The following CCDC47 variants were observed in gnomAD, a reference collection of about 807,000 sequenced individuals.
CCDC47 encodes the protein PAT complex subunit CCDC47.
A neutral mutation model predicts 60.5 loss-of-function variants in CCDC47; 41 were observed. The ratio of observed to expected loss-of-function variants is 0.68; its 90% CI spans 0.53 to 0.88. The LOEUF is 0.88. CCDC47 is among the 40% of genes least tolerant of loss of function. The pLI, the probability that CCDC47 is intolerant of heterozygous loss-of-function variation, is 0.00. For missense variants in CCDC47, 513 were observed against 580.9 expected, an observed-to-expected ratio of 0.88 and a Z score of 1.20; for synonymous variants, 195 against 190.7, an observed-to-expected ratio of 1.02 and a Z score of -0.18.
Position 63,766,004 on chromosome 17 carries a change from T to G in CCDC47, c.172A>C (p.Ile58Leu), listed in dbSNP as rs564371197. The G allele has an allele frequency of 6.2e-6, 10 of 1,614,136 alleles. No individual in the cohort carries two copies. The African/African-American group carries it at 1.3e-4, about 22-fold the overall frequency. ...TCATCTTCATCATCTTCAGTGATTA[T>G]GACCCGTTGAGGAGATTCAGTAACA... ...DSVTESPQRVIITEDDEDETT... is the reference protein window; with the variant it reads ...DSVTESPQRVLITEDDEDETT... The change falls in exon 2 of 13, where the codon ATA becomes CTA. Residue 58 changes from isoleucine to leucine, a missense_variant. Physicochemically the swap from Ile to Leu is conservative, Grantham distance 5. Transcript: ENST00000225726.
intron 9 of CCDC47, among the ~76,000 whole-genome samples, chr17:63,753,823 T>G (rs1265397500): frequency 6.6e-6 from 1 of 152,112 alleles, no homozygotes; most frequent in South Asian, 2.1e-4. Context: ...AAAGAACCTA[T>G]GGACTGGGGC....
At position 63,760,990 on chromosome 17, in the gene CCDC47, T is replaced by C. The variant is rs200244261; in HGVS notation, c.670-11A>G. Reference sequence around the variant, plus strand: ...TTGTCTCTTGAGGAACTGAAAAAAATGAGAGAAGTAAGTAAATCCAACTGC... The same window carrying C: ...TTGTCTCTTGAGGAACTGAAAAAAACGAGAGAAGTAAGTAAATCCAACTGC... On this transcript the variant is annotated splice_polypyrimidine_tract_variant and intron_variant, in intron 5 of 12. Transcript: ENST00000225726. 1 of 1,610,676 alleles carries C rather than the reference T, an allele frequency of 6.2e-7. No individual in the cohort carries two copies. The highest frequency in any genetic ancestry group is 2.2e-5 in the East Asian group (1 of 44,808).
chr17:63,753,070 G>C (rs2039179532), intron 9 of CCDC47: 1 of 431,440 alleles, frequency 2.3e-6, no homozygotes, highest in African/African-American at 2.2e-5. Flanking sequence ...CATCTCACCT[G>C]GGGAGCCAGA....
At chr17:63,770,289 G>A (rs1163714468) in intron 1 of CCDC47, among the ~76,000 whole-genome samples, 1 of 150,832 alleles carries the variant, frequency 6.6e-6, no homozygotes, top group Non-Finnish European at 1.5e-5. Flanking sequence ...TTTTTTTTCT[G>A]TAGTGTACTT....
At position 63,763,923 on chromosome 17, in the gene CCDC47, T is replaced by G. The variant is rs180790002; in HGVS notation, c.547+93A>C. 3.3e-6 allele frequency: 3 copies of G among 899,174 alleles called. No homozygotes were observed. In the African/African-American group the frequency reaches 5.1e-5, roughly 15 times the overall value. 55.7% of individuals were successfully genotyped at this position (899,174 alleles called of 1,614,324 possible). A position where few individuals can be genotyped will look rare whatever the true frequency, so the allele number is the denominator to read the frequency against. On this transcript the variant is annotated intron_variant, in intron 4 of 12. Coordinates refer to ENST00000225726, the MANE Select transcript of CCDC47 (RefSeq NM_020198.3). ...ACAATGCACCCTCTTTGGTATTCCA[T>G]GAAAGCAGTTAGATGCTTATACTGA... is the stretch of plus-strand genomic sequence containing the variant.
At position 63,756,544 on chromosome 17, in the gene CCDC47, TTCA is replaced by T. The variant is rs2039208656; in HGVS notation, c.759_761del (p.Asp253del). On this transcript the variant is annotated inframe_deletion, in exon 7 of 13. Coordinates refer to ENST00000225726, the MANE Select transcript of CCDC47 (RefSeq NM_020198.3). ...CAGCAAATACGTAGGTATCCATGTC[TTCA>T]TCATTCATGGTTACTTTTATTTGCT... The T allele has an allele frequency of 6.2e-7, 1 of 1,613,472 alleles. No individual in the cohort carries two copies. Among genetic ancestry groups the T allele is most frequent in the Non-Finnish European group, 8.5e-7 (1 of 1,179,438 alleles).
At chr17:63,754,381 C>T (rs765569106) in intron 9 of CCDC47, 52 bp downstream of exon 9, 15 of 1,145,014 alleles carry the variant, frequency 1.3e-5, no homozygotes, top group Non-Finnish European at 1.8e-5. Context: ...GGTGTTTCAA[C>T]ACAGAAAGCT....
chr17:63,760,657 G>T (rs1052097603), intron 6 of CCDC47, among the ~76,000 whole-genome samples: 3 of 152,040 alleles, frequency 2.0e-5, no homozygotes, highest in African/African-American at 7.2e-5. Context: ...TGGCCAACAT[G>T]GTGAAACCCT....
At chr17:63,749,457 A>G (rs1266191284) in intron 12 of CCDC47, among the ~76,000 whole-genome samples, 1 of 150,626 alleles carries the variant, frequency 6.6e-6, no homozygotes, top group Non-Finnish European at 1.5e-5. Context: ...AATAAGGAAA[A>G]AAAAAAAAAA....
intron 1 of CCDC47, chr17:63,766,960 A>T (rs1445330633): frequency 1.0e-6 from 1 of 983,726 alleles, no homozygotes; most frequent in African/African-American, 1.7e-5. Context: ...CATAATTATC[A>T]TAAGAGCAAA....
At chr17:63,772,402 C>T (rs1195825076) in intron 1 of CCDC47, among the ~76,000 whole-genome samples, 4 of 151,762 alleles carry the variant, frequency 2.6e-5, no homozygotes, top group Non-Finnish European at 5.9e-5. Flanking sequence ...TACAGGCGCT[C>T]GCCACCACGC....
At chr17:63,752,949 G>A (rs1477731253) in intron 9 of CCDC47, 150 bp from the exon 10 acceptor site, 4 of 1,346,066 alleles carry the variant, frequency 3.0e-6, no homozygotes, top group Non-Finnish European at 2.9e-6. Context: ...TAATGAAGGA[G>A]CTTTACAGGT....
chr17:63,763,062 A>G (rs775711412), intron 4 of CCDC47, among the ~76,000 whole-genome samples: 9 of 152,112 alleles, frequency 5.9e-5, no homozygotes, highest in Admixed American at 5.2e-4. Flanking sequence ...GGACCACAGA[A>G]GCACACCACT....
At chr17:63,748,537 T>C (rs1299772916) in intron 12 of CCDC47, among the ~76,000 whole-genome samples, 1 of 152,156 alleles carries the variant, frequency 6.6e-6, no homozygotes, top group Non-Finnish European at 1.5e-5. Flanking sequence ...CCCAATGTCC[T>C]CTTCCCATTG....
chr17:63,761,804 T>C (rs2039263726), intron 4 of CCDC47: 1 of 981,616 alleles, frequency 1.0e-6, no homozygotes, highest in Admixed American at 6.2e-5. Context: ...TAGAACTGTT[T>C]GGACAGGGAC....
chr17:63,771,902 T>C (rs910061034), intron 1 of CCDC47, among the ~76,000 whole-genome samples: 5 of 151,926 alleles, frequency 3.3e-5, no homozygotes, highest in African/African-American at 1.2e-4. Flanking sequence ...GCCAAAATAG[T>C]GAAACCCCAC....
intron 12 of CCDC47, among the ~76,000 whole-genome samples, chr17:63,749,815 C>T (rs2039149187): frequency 6.6e-6 from 1 of 151,788 alleles, no homozygotes. Flanking sequence ...TCTGGCTGGG[C>T]ACAGTGGCTC....
At chr17:63,765,625 C>A (rs2039292395) in intron 2 of CCDC47, 1 of 1,058,644 alleles carries the variant, frequency 9.4e-7, no homozygotes, top group Non-Finnish European at 1.2e-6. Flanking sequence ...CAGGCATGAG[C>A]CACCGTGCCC....
At chr17:63,756,612 G>T in intron 6 of CCDC47, 42 bp from the exon 7 acceptor site, 1 of 1,386,254 alleles carries the variant, frequency 7.2e-7, no homozygotes, top group Non-Finnish European at 1.0e-6. Flanking sequence ...CACCTGTTAG[G>T]TTCTGTGATA....
Sources: gnomAD v4.1 joint callset for allele counts (sites outside exome capture counted in the v4.1 genomes callset) on GRCh38, gnomAD v4.1.1 for gene constraint, MANE v1.5 for transcripts, NCBI Gene and HGNC (gene_info 2026-07-23, HGNC 2026-07-21) for gene names.